MTUS1: variants seen among roughly 807,000 people sequenced by gnomAD.
The protein encoded by MTUS1 is microtubule associated scaffold protein 1, also known as microtubule-associated tumor suppressor 1.
In MTUS1, 109 loss-of-function variants were observed where a neutral mutation model predicts 120.8. That is an observed-to-expected ratio of 0.90 (90% CI 0.77 to 1.06). MTUS1 has a LOEUF of 1.06. MTUS1 is among the 50% of genes least tolerant of loss of function. The pLI, the probability that MTUS1 is intolerant of heterozygous loss-of-function variation, is 0.00. For synonymous variants in MTUS1, 737 were observed against 550.5 expected, an observed-to-expected ratio of 1.34 and a Z score of -4.74; for missense variants, 2,210 against 1,486.3, an observed-to-expected ratio of 1.49 and a Z score of -8.01.
chr8:17,691,566 T>G (rs1239626248), intron 6 of MTUS1, among the ~76,000 whole-genome samples: 1 of 152,240 alleles, frequency 6.6e-6, no homozygotes, highest in African/African-American at 2.4e-5. Context: ...AAAGGAAGAA[T>G]CTGGATTCAC....
intron 7 of MTUS1, chr8:17,676,049 T>TAA: frequency 1.9e-6 from 1 of 525,472 alleles, no homozygotes. Context: ...AGGGAGTAAC[T>TAA]AAAAAAAAAA....
At chr8:17,760,587 C>A (rs1186371204) in intron 1 of MTUS1, among the ~76,000 whole-genome samples, 1 of 152,108 alleles carries the variant, frequency 6.6e-6, no homozygotes, top group African/African-American at 2.4e-5. Flanking sequence ...TGTTTTACTG[C>A]CTATTTTATT....
At chr8:17,791,593 C>G (rs766706809) in intron 1 of MTUS1, among the ~76,000 whole-genome samples, 63 of 152,124 alleles carry the variant, frequency 4.1e-4, no homozygotes, top group Non-Finnish European at 8.5e-4. Context: ...TTTGAAAACA[C>G]AGTTCAAATG....
chr8:17,673,188 A>C (rs1812378321), intron 8 of MTUS1, among the ~76,000 whole-genome samples: 1 of 152,214 alleles, frequency 6.6e-6, no homozygotes, highest in Admixed American at 6.5e-5. Flanking sequence ...GGCTGCTGTC[A>C]AGTTAAGTAA....
intron 1 of MTUS1, among the ~76,000 whole-genome samples, chr8:17,771,843 G>C (rs1167067659): frequency 2.0e-5 from 3 of 152,202 alleles, no homozygotes; most frequent in African/African-American, 7.2e-5. Flanking sequence ...CAATCTACTA[G>C]TTCTGTATGT....
At chr8:17,717,401 T>C (rs1196688279) in intron 4 of MTUS1, among the ~76,000 whole-genome samples, 2 of 152,200 alleles carry the variant, frequency 1.3e-5, no homozygotes, top group Non-Finnish European at 2.9e-5. Flanking sequence ...AAAATGGATA[T>C]TGGGTTTCAA....
At chr8:17,794,746 A>G (rs527465120) in intron 1 of MTUS1, among the ~76,000 whole-genome samples, 8 of 152,348 alleles carry the variant, frequency 5.3e-5, no homozygotes, top group African/African-American at 1.7e-4. Context: ...AGATTTTAAC[A>G]GTGCAAGGTG....
Position 17,754,582 on chromosome 8 carries a change from A to G in MTUS1, c.1226T>C (p.Phe409Ser), listed in dbSNP as rs757884110. 5.0e-6 allele frequency: 8 copies of G among 1,614,218 alleles called. No individual in the cohort carries two copies. The South Asian group carries it at 7.7e-5, about 16-fold the overall frequency. ...ATCATTTGCATCCCAAGTCAGTCCAAATGACGAGCCCACCTTTTGTCCTGG... is the reference window on the plus strand; with the variant it reads ...ATCATTTGCATCCCAAGTCAGTCCAGATGACGAGCCCACCTTTTGTCCTGG... Reference protein sequence around the residue: ...SPPGQKVGSSFGLTWDANDMV... With the variant: ...SPPGQKVGSSSGLTWDANDMV... The change falls in exon 2 of 15, where the codon TTT becomes TCT. Residue 409 changes from phenylalanine to serine, a missense_variant. Transcript: ENST00000693296.
intron 6 of MTUS1, among the ~76,000 whole-genome samples, chr8:17,690,336 AC>A (rs1354782702): frequency 1.3e-5 from 2 of 152,226 alleles, no homozygotes; most frequent in Non-Finnish European, 2.9e-5. Flanking sequence ...ACGATGAGAT[AC>A]CATTTCCTAT....
At chr8:17,757,685 C>T (rs1307002336) in intron 1 of MTUS1, among the ~76,000 whole-genome samples, 4 of 152,070 alleles carry the variant, frequency 2.6e-5, no homozygotes, top group African/African-American at 4.8e-5. Flanking sequence ...CACCTTCATG[C>T]GTGGCTGATT....
Position 17,755,708 on chromosome 8 carries a change from G to T in MTUS1, c.100C>A (p.Pro34Thr), listed in dbSNP as rs2048560875. Residue 34 changes from proline to threonine, a missense_variant, in exon 2 of 15, where the codon CCA (proline) becomes ACA (threonine). Physicochemically the swap from Pro to Thr is conservative, Grantham distance 38. Coordinates refer to ENST00000693296, the MANE Select transcript of MTUS1 (RefSeq NM_001363059.2). ...GNTHAYNPKS[P>T]PTQNSSASSV... ...CTGGCTGAAGAGTTTTGTGTAGGTG[G>T]TGATTTCGGGTTGTATGCATGTGTA... 6.2e-7 allele frequency: 1 copy of T among 1,614,180 alleles called. No individual in the cohort carries two copies. The highest frequency in any genetic ancestry group is 2.2e-5 in the East Asian group (1 of 44,886).
At chr8:17,709,689 G>A (rs1585859799) in intron 6 of MTUS1, among the ~76,000 whole-genome samples, 1 of 152,028 alleles carries the variant, frequency 6.6e-6, no homozygotes, top group East Asian at 1.9e-4. Flanking sequence ...AGTCTAGTGT[G>A]CAACAGCATT....
chr8:17,687,920 C>G (rs997009222), intron 6 of MTUS1, among the ~76,000 whole-genome samples: 6 of 152,192 alleles, frequency 3.9e-5, no homozygotes, highest in African/African-American at 1.4e-4. Context: ...GCTCAAATCA[C>G]TTAGGCAAAT....
intron 9 of MTUS1, 123 bp from the exon 10 acceptor site, chr8:17,654,789 GCTC>G (rs1356617722): frequency 3.0e-6 from 2 of 674,120 alleles, no homozygotes; most frequent in Non-Finnish European, 5.2e-6. Context: ...TAGTTTAAAG[GCTC>G]CTCAACACAT....
intron 6 of MTUS1, chr8:17,697,471 G>T: frequency 6.7e-7 from 1 of 1,489,654 alleles, no homozygotes; most frequent in Admixed American, 2.0e-5. Flanking sequence ...TCAAGGCCAA[G>T]AAATACAGTC....
At chr8:17,785,724 T>A (rs1264932184) in intron 1 of MTUS1, among the ~76,000 whole-genome samples, 1 of 152,160 alleles carries the variant, frequency 6.6e-6, no homozygotes, top group Non-Finnish European at 1.5e-5. Context: ...GATGCACATT[T>A]GGAACCTCTG....
At position 17,645,573 on chromosome 8, in the gene MTUS1, A is replaced by C. The variant is rs906508902; in HGVS notation, c.*353T>G. 2 of 183,428 alleles carry C rather than the reference A, an allele frequency of 1.1e-5. No individual in the cohort carries two copies. The highest frequency in any genetic ancestry group is 2.2e-5 in the Non-Finnish European group (2 of 89,570). The allele number at this position is 183,428 out of a possible 1,614,324, so 11.4% of individuals were successfully genotyped here. On this transcript the variant is annotated 3_prime_UTR_variant, in exon 15 of 15. Transcript: ENST00000693296. ...GAAGGTGTCTGTGGTGAAGAACATTACAAAGGTTATAAATCTTAATAGGGC... is the reference window on the plus strand; with the variant it reads ...GAAGGTGTCTGTGGTGAAGAACATTCCAAAGGTTATAAATCTTAATAGGGC...
At chr8:17,784,474 T>C (rs537590355) in intron 1 of MTUS1, among the ~76,000 whole-genome samples, 2 of 152,256 alleles carry the variant, frequency 1.3e-5, no homozygotes, top group South Asian at 4.2e-4. Flanking sequence ...TCTGTATTTT[T>C]AGTGGAGATG....
chr8:17,696,355 G>A (rs1425266247), intron 6 of MTUS1, among the ~76,000 whole-genome samples: 1 of 152,064 alleles, frequency 6.6e-6, no homozygotes, highest in African/African-American at 2.4e-5. Context: ...GGACAGAGAT[G>A]AGCCACGTGG....
Sources: gnomAD v4.1 joint callset for allele counts (sites outside exome capture counted in the v4.1 genomes callset) on GRCh38, gnomAD v4.1.1 for gene constraint, MANE v1.5 for transcripts, NCBI Gene and HGNC (gene_info 2026-07-23, HGNC 2026-07-21) for gene names.